Variants in SAMTOR observed in about 807,000 individuals in gnomAD.
The protein encoded by SAMTOR is UPF0532 protein C7orf60.
chr7:112,920,804 T>C, the SAMTOR span, among the ~76,000 whole-genome samples: 2 of 151,788 alleles, frequency 1.3e-5, no homozygotes, highest in South Asian at 2.1e-4. Flanking sequence ...TATACACCAA[T>C]AACAGACAAA....
At chr7:112,853,745 T>G in the SAMTOR span, among the ~76,000 whole-genome samples, 1 of 152,210 alleles carries the variant, frequency 6.6e-6, no homozygotes, top group Non-Finnish European at 1.5e-5. Context: ...AGGCTATAAC[T>G]TTTATAACCT....
At chr7:112,861,629 T>A in the SAMTOR span, among the ~76,000 whole-genome samples, 2 of 152,336 alleles carry the variant, frequency 1.3e-5, no homozygotes, top group East Asian at 3.9e-4. Context: ...TTCTTATTAA[T>A]AAATCTGATC....
At chr7:112,828,015 C>T in the SAMTOR span, among the ~76,000 whole-genome samples, 2 of 152,106 alleles carry the variant, frequency 1.3e-5, no homozygotes, top group Non-Finnish European at 2.9e-5. Context: ...CCATGCCCTG[C>T]CGCAAATATT....
At chr7:112,869,412 G>A in the SAMTOR span, among the ~76,000 whole-genome samples, 1 of 151,628 alleles carries the variant, frequency 6.6e-6, no homozygotes, top group Non-Finnish European at 1.5e-5. Flanking sequence ...CACCAAACAA[G>A]AATACATCTC....
At chr7:112,895,296 G>A in the SAMTOR span, among the ~76,000 whole-genome samples, 3 of 151,316 alleles carry the variant, frequency 2.0e-5, no homozygotes, top group Non-Finnish European at 4.4e-5. Flanking sequence ...ATATAATTAT[G>A]TAACAATGTA....
the SAMTOR span, among the ~76,000 whole-genome samples, chr7:112,853,099 C>T: frequency 6.6e-6 from 1 of 152,086 alleles, no homozygotes; most frequent in Admixed American, 6.6e-5. Context: ...GTTATGCTGC[C>T]TCTACATTTT....
At chr7:112,819,945 A>C in the SAMTOR span, 1 of 152,510 alleles carries the variant, frequency 6.6e-6, no homozygotes, top group Non-Finnish European at 1.5e-5. Flanking sequence ...TCCTTAACAT[A>C]GTGCTTTTTT....
chr7:112,879,498 A>G, the SAMTOR span, among the ~76,000 whole-genome samples: 4 of 152,156 alleles, frequency 2.6e-5, no homozygotes, highest in Non-Finnish European at 5.9e-5. Context: ...GAAAGATAGG[A>G]AGGAGAATAC....
chr7:112,885,504 T>G, the SAMTOR span, among the ~76,000 whole-genome samples: 1 of 152,172 alleles, frequency 6.6e-6, no homozygotes, highest in East Asian at 1.9e-4. Context: ...CACAGATCTC[T>G]GGGGCAGGAG....
the SAMTOR span, among the ~76,000 whole-genome samples, chr7:112,917,110 G>T: frequency 6.6e-6 from 1 of 152,234 alleles, no homozygotes; most frequent in Admixed American, 6.5e-5. Flanking sequence ...GGTTCTCCCA[G>T]CACGCAGCTG....
the SAMTOR span, among the ~76,000 whole-genome samples, chr7:112,880,242 A>G: frequency 6.6e-6 from 1 of 152,124 alleles, no homozygotes; most frequent in Non-Finnish European, 1.5e-5. Flanking sequence ...AATCATCACT[A>G]TTTTCATTCT....
chr7:112,926,253 C>G, the SAMTOR span, among the ~76,000 whole-genome samples: 1 of 152,072 alleles, frequency 6.6e-6, no homozygotes. Flanking sequence ...TGAGGCAACA[C>G]AGGCATCTGT....
chr7:112,895,409 GC>G, the SAMTOR span, among the ~76,000 whole-genome samples: 1 of 152,036 alleles, frequency 6.6e-6, no homozygotes, highest in East Asian at 1.9e-4. Context: ...ACAATTTTCT[GC>G]TAGTTTTTAA....
At chr7:112,890,493 A>G in the SAMTOR span, among the ~76,000 whole-genome samples, 1 of 152,244 alleles carries the variant, frequency 6.6e-6, no homozygotes, top group African/African-American at 2.4e-5. Context: ...CAGTTTCTAT[A>G]CTTTTTAACC....
At chr7:112,857,160 C>T in the SAMTOR span, among the ~76,000 whole-genome samples, 5 of 146,004 alleles carry the variant, frequency 3.4e-5, no homozygotes, top group South Asian at 2.1e-4. Context: ...GGCGCAATCT[C>T]GGCTCACTGC....
chr7:112,825,146 T>C, the SAMTOR span, among the ~76,000 whole-genome samples: 1 of 152,018 alleles, frequency 6.6e-6, no homozygotes, highest in Non-Finnish European at 1.5e-5. Flanking sequence ...CTCAGGCTCC[T>C]GAGTAGCTGG....
chr7:112,819,847 T>C, the SAMTOR span: 1 of 152,542 alleles, frequency 6.6e-6, no homozygotes, highest in Non-Finnish European at 1.5e-5. Flanking sequence ...TGTATTGTTT[T>C]CTTTGCTCTT....
At chr7:112,905,722 C>T in the SAMTOR span, among the ~76,000 whole-genome samples, 1 of 151,966 alleles carries the variant, frequency 6.6e-6, no homozygotes, top group Non-Finnish European at 1.5e-5. Context: ...AAAATTCAAA[C>T]CCATTCCTAA....
chr7:112,902,450 A>AC, the SAMTOR span, among the ~76,000 whole-genome samples: 68 of 125,928 alleles, frequency 5.4e-4, 4 homozygotes, highest in African/African-American at 2.1e-3. Flanking sequence ...AAAAAAAAAC[A>AC]AAAAAAAAAA....
Sources: gnomAD v4.1 joint callset for allele counts (sites outside exome capture counted in the v4.1 genomes callset) on GRCh38, gnomAD v4.1.1 for gene constraint, MANE v1.5 for transcripts, NCBI Gene and HGNC (gene_info 2026-07-23, HGNC 2026-07-21) for gene names.